The following PRDM6 variants were observed in gnomAD, a reference collection of about 807,000 sequenced individuals.
PRDM6 encodes putative histone-lysine N-methyltransferase PRDM6.
Under a neutral mutation model 60.8 loss-of-function variants are expected in PRDM6, and 25 were observed. The ratio of observed to expected loss-of-function variants is 0.41; its 90% CI spans 0.30 to 0.57. The LOEUF (loss-of-function observed/expected upper bound fraction) is 0.57, where lower values mean the gene tolerates loss of function less well. Among genes scored for constraint, PRDM6 ranks in the 20% least tolerant of loss-of-function variants. PRDM6 has a pLI of 0.27. For synonymous variants in PRDM6, 407 were observed against 357.4 expected, an observed-to-expected ratio of 1.14 and a Z score of -1.57; for missense variants, 839 against 821.3, an observed-to-expected ratio of 1.02 and a Z score of -0.26.
intron 7 of PRDM6, among the ~76,000 whole-genome samples, chr5:123,182,439 T>A (rs555794377): frequency 6.6e-6 from 1 of 152,354 alleles, no homozygotes; most frequent in East Asian, 1.9e-4. Flanking sequence ...AGATTGATTT[T>A]TATCTTGTTG....
intron 3 of PRDM6, among the ~76,000 whole-genome samples, chr5:123,151,542 C>T (rs1051656843): frequency 2.0e-5 from 3 of 152,068 alleles, no homozygotes; most frequent in African/African-American, 4.8e-5. Context: ...ATGGACTAGT[C>T]GTCTCACTTT....
At chr5:123,112,614 C>T (rs1396719155) in intron 3 of PRDM6, among the ~76,000 whole-genome samples, 1 of 152,068 alleles carries the variant, frequency 6.6e-6, no homozygotes, top group African/African-American at 2.4e-5. Context: ...AATCTTATAT[C>T]CTTAGTTGTG....
intron 3 of PRDM6, among the ~76,000 whole-genome samples, chr5:123,127,041 CTT>C (rs1161596698): frequency 1.4e-5 from 2 of 144,168 alleles, no homozygotes; most frequent in Non-Finnish European, 1.5e-5. Flanking sequence ...CAACACTTAA[CTT>C]TTTTTTTTTT....
In PRDM6 at chr5:123,143,148, A is replaced by AGTGTGTGTGT. The variant is rs139092433; in HGVS notation, c.901-12715_901-12706dup. ...TATGGGATTTGGCAGTAGTTTTTAAAGTGTGTGTGTGTGTGTGTGTGTGTG... is the reference window on the plus strand; with the variant it reads ...TATGGGATTTGGCAGTAGTTTTTAAAGTGTGTGTGTGTGTGTGTGTGTGTGTGTGTGTGTG... On this transcript the variant is annotated intron_variant, in intron 3 of 7. Coordinates refer to ENST00000407847, the MANE Select transcript of PRDM6 (RefSeq NM_001136239.4). Among the ~76,000 whole-genome samples, 671 of 145,962 alleles carry AGTGTGTGTGT rather than the reference A, an allele frequency of 4.6e-3. 2 individuals carry two copies. The highest frequency in any genetic ancestry group is 0.015 in the African/African-American group (602 of 39,430).
chr5:123,100,864 C>T (rs528673290), intron 3 of PRDM6, among the ~76,000 whole-genome samples: 1 of 152,352 alleles, frequency 6.6e-6, no homozygotes, highest in Non-Finnish European at 1.5e-5. Flanking sequence ...ATCTTAGCCA[C>T]CTCCATCCAT....
At chr5:123,117,473 G>A (rs1433297377) in intron 3 of PRDM6, among the ~76,000 whole-genome samples, 2 of 152,130 alleles carry the variant, frequency 1.3e-5, no homozygotes, top group African/African-American at 4.8e-5. Flanking sequence ...TAGTGGCCTG[G>A]CATGATGGAA....
chr5:123,154,829 G>T (rs1314681855), intron 3 of PRDM6, among the ~76,000 whole-genome samples: 1 of 152,170 alleles, frequency 6.6e-6, no homozygotes, highest in Non-Finnish European at 1.5e-5. Context: ...ATCTGAAAAG[G>T]TGCAGTGTAT....
At chr5:123,118,399 G>A (rs952226129) in intron 3 of PRDM6, among the ~76,000 whole-genome samples, 5 of 152,180 alleles carry the variant, frequency 3.3e-5, no homozygotes, top group African/African-American at 9.7e-5. Flanking sequence ...AGAGAGTTGC[G>A]GTTTGAGATG....
intron 3 of PRDM6, among the ~76,000 whole-genome samples, chr5:123,141,807 T>C (rs560612836): frequency 6.6e-6 from 1 of 152,288 alleles, no homozygotes; most frequent in South Asian, 2.1e-4. Flanking sequence ...GAGCACTTAG[T>C]GTGTGTCAGG....
chr5:123,157,076 T>C lies in PRDM6; in HGVS notation c.1028+1065T>C, dbSNP rs1284615894. ...ATTTTCCTTTCCTTTTTTTTTTTTT[T>C]TAAACGAAGCTTAAGTTTTTTCTTT... On this transcript the variant is annotated intron_variant, in intron 4 of 7. Coordinates refer to ENST00000407847, the MANE Select transcript of PRDM6 (RefSeq NM_001136239.4). Among the ~76,000 whole-genome samples, 4 of 152,022 alleles carry C rather than the reference T, an allele frequency of 2.6e-5. No individual in the cohort carries two copies. The East Asian group carries it at 5.8e-4, about 22-fold the overall frequency.
In PRDM6 at chr5:123,193,036, A is replaced by T. The variant is rs1469129831; in HGVS notation, c.*5835A>T. 1 of 152,246 alleles carries T rather than the reference A, an allele frequency of 6.6e-6. No individual in the cohort carries two copies. The highest frequency in any genetic ancestry group is 2.4e-5 in the African/African-American group (1 of 41,468). The allele number at this position is 152,246 out of a possible 1,614,324, so 9.4% of individuals were successfully genotyped here. Reference sequence around the variant, plus strand: ...TGAGGTTTGTTCAAAAAGTAAGTGTACAAAATTTCATCATGAACTGGCTTT... The same window carrying T: ...TGAGGTTTGTTCAAAAAGTAAGTGTTCAAAATTTCATCATGAACTGGCTTT... On this transcript the variant is annotated 3_prime_UTR_variant, in exon 8 of 8. Transcript: ENST00000407847.
intron 5 of PRDM6, among the ~76,000 whole-genome samples, chr5:123,169,913 C>T (rs1459171081): frequency 6.6e-6 from 1 of 152,128 alleles, no homozygotes; most frequent in Non-Finnish European, 1.5e-5. Flanking sequence ...ATTCCAAAGC[C>T]CGAGTCACAA....
chr5:123,141,636 C>G (rs1765104957), intron 3 of PRDM6, among the ~76,000 whole-genome samples: 1 of 152,180 alleles, frequency 6.6e-6, no homozygotes, highest in South Asian at 2.1e-4. Flanking sequence ...CCTGCTCTGC[C>G]CAGTTCCACT....
intron 3 of PRDM6, among the ~76,000 whole-genome samples, chr5:123,111,902 G>A (rs899329003): frequency 2.0e-5 from 3 of 152,028 alleles, no homozygotes; most frequent in Non-Finnish European, 2.9e-5. Context: ...CTTCGCCCCT[G>A]CTACATCTTG....
At chr5:123,163,342 T>C (rs1259582092) in intron 5 of PRDM6, among the ~76,000 whole-genome samples, 4 of 152,222 alleles carry the variant, frequency 2.6e-5, no homozygotes, top group Admixed American at 2.6e-4. Flanking sequence ...TTTCCCATGG[T>C]TCTTTCAACA....
In PRDM6 at chr5:123,187,657, C is replaced by G. The variant is rs115003531; in HGVS notation, c.*456C>G. On this transcript the variant is annotated 3_prime_UTR_variant, in exon 8 of 8. Transcript: ENST00000407847. ...CCTTCATTCTGCTGTGTCAGTTTGG[C>G]CTGGCCTGACACTGGCTGCCCCAGC... The G allele has an allele frequency of 0.011, 1,701 of 159,218 alleles. 24 individuals carry two copies. The highest frequency in any genetic ancestry group is 0.039 in the African/African-American group (1,610 of 41,622). 9.9% of individuals were successfully genotyped at this position (159,218 alleles called of 1,614,324 possible). A position where few individuals can be genotyped will look rare whatever the true frequency, so the allele number is the denominator to read the frequency against.
chr5:123,174,127 C>T (rs761208279), intron 6 of PRDM6, among the ~76,000 whole-genome samples: 5 of 152,194 alleles, frequency 3.3e-5, no homozygotes, highest in African/African-American at 7.2e-5. Context: ...ATTATACTCA[C>T]TGGATTAGCA....
At chr5:123,102,698 A>AT (rs1049333953) in intron 3 of PRDM6, among the ~76,000 whole-genome samples, 1 of 152,056 alleles carries the variant, frequency 6.6e-6, no homozygotes, top group African/African-American at 2.4e-5. Context: ...TCTTCCTCAC[A>AT]TTTTTTCAAG....
At chr5:123,181,820 G>A (rs1766171259) in intron 7 of PRDM6, among the ~76,000 whole-genome samples, 1 of 152,138 alleles carries the variant, frequency 6.6e-6, no homozygotes, top group Non-Finnish European at 1.5e-5. Context: ...CTCAGCTTGG[G>A]AAACAGAGTT....
Sources: allele counts gnomAD v4.1 joint callset (sites outside exome capture counted in the v4.1 genomes callset), GRCh38; gene constraint gnomAD v4.1.1; transcripts MANE v1.5; gene names NCBI Gene and HGNC (gene_info 2026-07-23, HGNC 2026-07-21).